The following PARD3B variants were observed in gnomAD, a reference collection of about 807,000 sequenced individuals.
PARD3B encodes partitioning defective 3 homolog B.
PARD3B carries 103 observed loss-of-function variants against 130.2 expected under a neutral mutation model. That is an observed-to-expected ratio of 0.79 (90% CI 0.67 to 0.93). PARD3B has a LOEUF of 0.93. PARD3B is among the 40% of genes least tolerant of loss of function. PARD3B has a pLI of 0.00. For missense variants in PARD3B, 1,609 were observed against 1,499.2 expected (o/e 1.07, Z -1.21); for synonymous variants, 583 against 553.2 (o/e 1.05, Z -0.76).
chr2:205,139,796 C>A (rs531920616), intron 10 of PARD3B, among the ~76,000 whole-genome samples: 8 of 151,586 alleles, frequency 5.3e-5, no homozygotes, highest in Non-Finnish European at 1.0e-4. Context: ...ATTATTTGTG[C>A]CCTTCTAAAA....
At chr2:204,884,418 T>G (rs768265507) in intron 2 of PARD3B, among the ~76,000 whole-genome samples, 3 of 152,364 alleles carry the variant, frequency 2.0e-5, no homozygotes, top group Non-Finnish European at 2.9e-5. Context: ...GTAAATGGAA[T>G]AGAAAATTTC....
At chr2:204,756,663 A>G (rs541434508) in intron 2 of PARD3B, among the ~76,000 whole-genome samples, 1 of 152,266 alleles carries the variant, frequency 6.6e-6, no homozygotes, top group African/African-American at 2.4e-5. Flanking sequence ...TGAGAGAGGC[A>G]CGCCAGACTT....
At chr2:205,336,235 G>A (rs1157951482) in intron 18 of PARD3B, among the ~76,000 whole-genome samples, 3 of 152,184 alleles carry the variant, frequency 2.0e-5, no homozygotes. Flanking sequence ...GAGAATATAT[G>A]TGATATCAGG....
intron 19 of PARD3B, among the ~76,000 whole-genome samples, chr2:205,420,088 C>T (rs970505662): frequency 2.0e-5 from 3 of 152,308 alleles, no homozygotes; most frequent in Admixed American, 6.5e-5. Context: ...TCTGGCCAAT[C>T]CAGGTTATAC....
intron 2 of PARD3B, among the ~76,000 whole-genome samples, chr2:204,927,809 T>G (rs1245364590): frequency 6.6e-6 from 1 of 151,808 alleles, no homozygotes; most frequent in African/African-American, 2.4e-5. Context: ...AGCATTTAGA[T>G]AGATAGCTAC....
rs1028993878 is a variant in PARD3B, at chr2:204,829,488, A to G, written c.223-135664A>G. On this transcript the variant is annotated intron_variant, in intron 2 of 22. Coordinates refer to ENST00000406610, the MANE Select transcript of PARD3B (RefSeq NM_001302769.2). Reference sequence around the variant, plus strand: ...TTTTCTTTTCATCAAACTCAATGACATAGGAGGTAGCCATTAATATGTTAG... The same window carrying G: ...TTTTCTTTTCATCAAACTCAATGACGTAGGAGGTAGCCATTAATATGTTAG... 8.5e-5 allele frequency among the ~76,000 whole-genome samples: 13 copies of G among 152,190 alleles called. 1 individual carries two copies. The highest frequency in any genetic ancestry group is 2.7e-4 in the African/African-American group (11 of 41,444).
intron 20 of PARD3B, among the ~76,000 whole-genome samples, chr2:205,472,883 C>G (rs2048887410): frequency 6.6e-6 from 1 of 151,690 alleles, no homozygotes; most frequent in Non-Finnish European, 1.5e-5. Flanking sequence ...GGGGAACAGA[C>G]AGAAAGGAAC....
rs114685685 is a variant in PARD3B at position 205,236,604 on chromosome 2, A to G, written c.2141-9174A>G. On this transcript the variant is annotated intron_variant, in intron 15 of 22. Transcript: ENST00000406610. ...GTCCAAGCCACCCTCAAAAATAAAA[A>G]CTAATAAAAATTTAGTGAATTGAAC... Among the ~76,000 whole-genome samples the G allele has an allele frequency of 6.9e-3, 1,054 of 152,264 alleles. 16 individuals carry two copies. Among genetic ancestry groups the G allele is most frequent in the African/African-American group, 0.024 (997 of 41,544 alleles).
intron 2 of PARD3B, among the ~76,000 whole-genome samples, chr2:204,835,039 A>G (rs1003571834): frequency 1.3e-5 from 2 of 152,208 alleles, no homozygotes; most frequent in Non-Finnish European, 2.9e-5. Flanking sequence ...TTTGTTAATG[A>G]AATGGTACCC....
At chr2:204,909,837 T>C (rs2047170361) in intron 2 of PARD3B, among the ~76,000 whole-genome samples, 1 of 152,226 alleles carries the variant, frequency 6.6e-6, no homozygotes, top group South Asian at 2.1e-4. Flanking sequence ...CTGCCATAAT[T>C]AATACAATAT....
In PARD3B at chr2:205,057,377, C is replaced by CATATACATATATACATGTATATGTGTT. The variant is rs1232618393; in HGVS notation, c.504+9699_504+9725dup. Among the ~76,000 whole-genome samples, 79 of 78,988 alleles carry CATATACATATATACATGTATATGTGTT rather than the reference C, an allele frequency of 1.0e-3. 1 individual carries two copies. The highest frequency in any genetic ancestry group is 2.7e-3 in the African/African-American group (73 of 26,892). The allele number at this position is 78,988 out of a possible 152,430, so 51.8% of individuals were successfully genotyped here. On this transcript the variant is annotated intron_variant, in intron 4 of 22. Transcript: ENST00000406610. The stretch of plus-strand genomic sequence containing the variant: ...TATATACATGTATATGTGTTATATA[C>CATATACATATATACATGTATATGTGTT]ATATACATATATACATGTATATGTG...
rs999542425 is a variant in PARD3B, at chr2:205,116,702, A to G, written c.681-2219A>G. 3.9e-5 allele frequency among the ~76,000 whole-genome samples: 6 copies of G among 152,182 alleles called. No homozygotes were observed. Among genetic ancestry groups the G allele is most frequent in the Non-Finnish European group, 7.3e-5 (5 of 68,028 alleles). ...TCTTGTATTGGTCTGGATGAAATCA[A>G]ACTGGAGGGAATCTATCCCTTCCAC... On this transcript the variant is annotated intron_variant, in intron 6 of 22. Coordinates refer to ENST00000406610, the MANE Select transcript of PARD3B (RefSeq NM_001302769.2). This position sits in a 1 kb window ranked among gnomAD's most constrained non-coding sequence, Gnocchi z 4.5.
intron 2 of PARD3B, among the ~76,000 whole-genome samples, chr2:204,955,289 A>G (rs1412985417): frequency 2.0e-5 from 3 of 152,258 alleles, no homozygotes; most frequent in African/African-American, 4.8e-5. Context: ...AAATACATAT[A>G]TGTAGTCCAC....
chr2:205,013,920 C>T (rs540980265), intron 3 of PARD3B, among the ~76,000 whole-genome samples: 2 of 152,222 alleles, frequency 1.3e-5, no homozygotes, highest in African/African-American at 4.8e-5. Context: ...CAAGGTGTCA[C>T]CCTACTGTGA....
rs932857005 is a variant in PARD3B, at chr2:205,585,152, G to T, written c.3261-30304G>T. Among the ~76,000 whole-genome samples the T allele has an allele frequency of 3.9e-5, 6 of 152,174 alleles. No individual in the cohort carries two copies. The highest frequency in any genetic ancestry group is 1.3e-4 in the Admixed American group (2 of 15,278). On this transcript the variant is annotated intron_variant, in intron 22 of 22. Coordinates refer to ENST00000406610, the MANE Select transcript of PARD3B (RefSeq NM_001302769.2). The surrounding 1 kb of genome is among the most constrained non-coding windows in gnomAD (Gnocchi z 5.4). ...TGGAATGATTGCTCACTCCTTTCTG[G>T]CTTAGTCTTTTTTGTGGAATGCCTG...
intron 22 of PARD3B, among the ~76,000 whole-genome samples, chr2:205,581,418 A>AAAGT (rs1553552490): frequency 2.3e-5 from 2 of 86,436 alleles, no homozygotes; most frequent in African/African-American, 3.5e-5. Flanking sequence ...AGTATATATA[A>AAAGT]ATATATAAAT....
In PARD3B at chr2:204,669,439, A is replaced by G. The variant is rs2036180707; in HGVS notation, c.121-16742A>G. Among the ~76,000 whole-genome samples the G allele has an allele frequency of 1.3e-5, 2 of 152,138 alleles. No homozygotes were observed. Among genetic ancestry groups the G allele is most frequent in the South Asian group, 4.1e-4 (2 of 4,836 alleles). On this transcript the variant is annotated intron_variant, in intron 1 of 22. Coordinates refer to ENST00000406610, the MANE Select transcript of PARD3B (RefSeq NM_001302769.2). This position sits in a 1 kb window ranked among gnomAD's most constrained non-coding sequence, Gnocchi z 4.3. Reference sequence around the variant, plus strand: ...TAAGTACATTTTGGCATAACTCACTATATATTTTATATAAAGTCACCTCTT... The same window carrying G: ...TAAGTACATTTTGGCATAACTCACTGTATATTTTATATAAAGTCACCTCTT...
At chr2:205,042,005 G>A (rs1434166) in intron 3 of PARD3B, among the ~76,000 whole-genome samples, 17,804 of 152,126 alleles carry the variant, frequency 0.12, 1,456 homozygotes, top group Middle Eastern at 0.19. Flanking sequence ...GAGAGGGAGA[G>A]TGTGATTATA....
intron 18 of PARD3B, among the ~76,000 whole-genome samples, chr2:205,361,800 T>C (rs2044398816): frequency 6.6e-6 from 1 of 151,782 alleles, no homozygotes; most frequent in African/African-American, 2.4e-5. Flanking sequence ...TTTACTCTCC[T>C]CTTTAAAGTC....
Sources: allele counts gnomAD v4.1 joint callset (sites outside exome capture counted in the v4.1 genomes callset), GRCh38; gene constraint gnomAD v4.1.1; non-coding constraint Gnocchi (gnomAD v3.1); transcripts MANE v1.5; gene names NCBI Gene and HGNC (gene_info 2026-07-23, HGNC 2026-07-21).